SWT1: variants seen among roughly 807,000 people sequenced by gnomAD.
SWT1 encodes the protein SWT1 RNA endoribonuclease homolog.
In SWT1, 33 loss-of-function variants were observed where a neutral mutation model predicts 107.3. The ratio of observed to expected loss-of-function variants is 0.31; its 90% CI spans 0.23 to 0.41. The LOEUF (loss-of-function observed/expected upper bound fraction) is 0.41, where lower values mean the gene tolerates loss of function less well. SWT1 is among the 10% of genes least tolerant of loss of function. The pLI, the probability that SWT1 is intolerant of heterozygous loss-of-function variation, is 1.00. For missense variants in SWT1, 898 were observed against 1,028.9 expected (o/e 0.87, Z 1.74); for synonymous variants, 345 against 348.3 (o/e 0.99, Z 0.11).
chr1:185,271,586 A>G (rs1663871608), intron 17 of SWT1, among the ~76,000 whole-genome samples, 197 bp downstream of exon 17: 1 of 152,186 alleles, frequency 6.6e-6, no homozygotes, highest in Non-Finnish European at 1.5e-5. Flanking sequence ...TTTAAGGTAT[A>G]TAGCATGGTG....
chr1:185,228,200 T>TATATATATATATATATACAC (rs1235462995), intron 15 of SWT1, among the ~76,000 whole-genome samples: 14 of 144,954 alleles, frequency 9.7e-5, no homozygotes, highest in African/African-American at 3.7e-4. Context: ...CATATATATA[T>TATATATATATATATATACAC]ACTCAGTATG....
chr1:185,276,792 T>TA (rs879006304), intron 18 of SWT1, 124 bp downstream of exon 18: 3 of 438,254 alleles, frequency 6.8e-6, no homozygotes, highest in South Asian at 1.2e-4. Context: ...TGTTTTTTTT[T>TA]ACCTTACTAA....
At chr1:185,288,264 GGGA>G (rs1665059592) in intron 18 of SWT1, among the ~76,000 whole-genome samples, 1 of 151,918 alleles carries the variant, frequency 6.6e-6, no homozygotes, top group Non-Finnish European at 1.5e-5. Flanking sequence ...ATTATTTTTA[GGGA>G]GCAGGTCACA....
intron 5 of SWT1, among the ~76,000 whole-genome samples, chr1:185,176,252 C>G (rs1007433692): frequency 1.0e-4 from 13 of 127,654 alleles, no homozygotes. Flanking sequence ...TGTAACTGCA[C>G]TCCAACCTAG....
intron 18 of SWT1, among the ~76,000 whole-genome samples, chr1:185,289,138 A>T (rs893344170): frequency 2.0e-5 from 3 of 152,230 alleles, no homozygotes; most frequent in Non-Finnish European, 2.9e-5. Context: ...AGAGAAAAAT[A>T]AAAATATAAT....
chr1:185,289,616 A>G (rs1558107242), intron 18 of SWT1, among the ~76,000 whole-genome samples: 1 of 152,218 alleles, frequency 6.6e-6, no homozygotes, highest in Non-Finnish European at 1.5e-5. Flanking sequence ...CTAAATGTCT[A>G]TCAGTGAACG....
chr1:185,251,944 C>T (rs973602781), intron 16 of SWT1, among the ~76,000 whole-genome samples: 1 of 151,872 alleles, frequency 6.6e-6, no homozygotes, highest in Admixed American at 6.6e-5. Flanking sequence ...TCCCTCCCCC[C>T]TCCACCCACC....
At chr1:185,225,077 T>C (rs1329515607) in intron 15 of SWT1, among the ~76,000 whole-genome samples, 2 of 152,200 alleles carry the variant, frequency 1.3e-5, no homozygotes, top group Non-Finnish European at 2.9e-5. Context: ...CTTTATTGCA[T>C]TGAGGTATGC....
At position 185,212,173 on chromosome 1, in the gene SWT1, T is replaced by A. The variant is rs180786108; in HGVS notation, c.1973-2334T>A. Among the ~76,000 whole-genome samples, 611 of 152,192 alleles carry A rather than the reference T, an allele frequency of 4.0e-3. 2 individuals are homozygous for A. Among genetic ancestry groups the A allele is most frequent in the Middle Eastern group, 6.8e-3 (2 of 294 alleles). On this transcript the variant is annotated intron_variant, in intron 13 of 18. Coordinates refer to ENST00000367500, the MANE Select transcript of SWT1 (RefSeq NM_017673.7). ...TATACATATGTAACAAACCTGCACA[T>A]TGTGCACATGTACCCTAAAACTGAA...
intron 15 of SWT1, chr1:185,227,630 C>A: frequency 1.8e-6 from 1 of 554,862 alleles, no homozygotes; most frequent in South Asian, 1.5e-5. Flanking sequence ...TTTACCTTCT[C>A]GTCGTCTTCT....
At chr1:185,164,272 T>G (rs1276186523) in intron 2 of SWT1, among the ~76,000 whole-genome samples, 1 of 152,176 alleles carries the variant, frequency 6.6e-6, no homozygotes, top group Non-Finnish European at 1.5e-5. Flanking sequence ...GCTTTGTTGT[T>G]TCATTTCTAG....
chr1:185,170,606 C>G (rs1654966475), intron 4 of SWT1, among the ~76,000 whole-genome samples: 1 of 152,206 alleles, frequency 6.6e-6, no homozygotes, highest in Admixed American at 6.5e-5. Flanking sequence ...ATTCCTCTAG[C>G]TCCCTCTGCT....
intron 9 of SWT1, among the ~76,000 whole-genome samples, chr1:185,185,630 G>A (rs1411561081): frequency 6.6e-6 from 1 of 151,922 alleles, no homozygotes; most frequent in Non-Finnish European, 1.5e-5. Context: ...AAATACCACG[G>A]ATTTGTACTG....
chr1:185,210,822 A>C (rs1658734489), intron 13 of SWT1, among the ~76,000 whole-genome samples: 1 of 152,174 alleles, frequency 6.6e-6, no homozygotes, highest in Non-Finnish European at 1.5e-5. Flanking sequence ...AAATCTCCTT[A>C]AGCTGATAAG....
chr1:185,274,067 A>G (rs1349805518), intron 17 of SWT1, among the ~76,000 whole-genome samples: 1 of 152,132 alleles, frequency 6.6e-6, no homozygotes, highest in Non-Finnish European at 1.5e-5. Context: ...TCTGGGGCAT[A>G]GTTCTTTTTA....
chr1:185,205,667 G>A (rs1423092675), intron 12 of SWT1, among the ~76,000 whole-genome samples: 2 of 152,054 alleles, frequency 1.3e-5, no homozygotes, highest in African/African-American at 4.8e-5. Flanking sequence ...TTATAGCTAG[G>A]AGAAACATGA....
intron 15 of SWT1, 54 bp downstream of exon 15, chr1:185,222,090 T>C: frequency 1.7e-6 from 2 of 1,204,450 alleles, no homozygotes; most frequent in Admixed American, 5.5e-5. Context: ...GACATTATAA[T>C]TGTACATATT....
intron 15 of SWT1, among the ~76,000 whole-genome samples, chr1:185,225,341 C>T (rs1359896266): frequency 6.6e-6 from 1 of 151,986 alleles, no homozygotes; most frequent in African/African-American, 2.4e-5. Context: ...AATTTTCGTA[C>T]CTGTTTATCG....
At chr1:185,217,419 A>G (rs541513004) in intron 14 of SWT1, among the ~76,000 whole-genome samples, 32 of 152,168 alleles carry the variant, frequency 2.1e-4, no homozygotes, top group African/African-American at 7.7e-4. Flanking sequence ...AGGAGCATGA[A>G]CCCTATTGTG....
Sources: allele counts gnomAD v4.1 joint callset (sites outside exome capture counted in the v4.1 genomes callset), GRCh38; gene constraint gnomAD v4.1.1; transcripts MANE v1.5; gene names NCBI Gene and HGNC (gene_info 2026-07-23, HGNC 2026-07-21).